The following FHIT variants were observed in gnomAD, a reference collection of about 807,000 sequenced individuals.
The protein encoded by FHIT is bis(5'-adenosyl)-triphosphatase.
Under a neutral mutation model 17.9 loss-of-function variants are expected in FHIT, and 19 were observed. That is an observed-to-expected ratio of 1.06 (90% confidence interval 0.74 to 1.56). The LOEUF is 1.56. Ranked by LOEUF, FHIT falls within the 40% of genes most tolerant of loss-of-function variation. The probability of loss-of-function intolerance (pLI) is 0.00; values close to 1 mark genes in which losing one functional copy is unlikely to be tolerated. For synonymous variants in FHIT, 81 were observed against 69.7 expected, an observed-to-expected ratio of 1.16 and a Z score of -0.81; for missense variants, 248 against 189.2, an observed-to-expected ratio of 1.31 and a Z score of -1.82.
intron 5 of FHIT, among the ~76,000 whole-genome samples, chr3:60,414,831 T>C (rs138024472): frequency 2.6e-5 from 4 of 152,296 alleles, no homozygotes; most frequent in East Asian, 1.9e-4. Flanking sequence ...GTAAAGAAGA[T>C]ACCCTTGACC....
intron 4 of FHIT, among the ~76,000 whole-genome samples, chr3:60,710,608 C>T (rs1227648025): frequency 1.3e-5 from 2 of 152,214 alleles, no homozygotes; most frequent in Non-Finnish European, 2.9e-5. Flanking sequence ...AAATGGCGCA[C>T]CAGGAGATTA....
At chr3:60,843,208 A>G (rs1329986178) in intron 3 of FHIT, among the ~76,000 whole-genome samples, 1 of 152,132 alleles carries the variant, frequency 6.6e-6, no homozygotes, top group Non-Finnish European at 1.5e-5. Flanking sequence ...ACCACAGAGA[A>G]TTCTTTCTGA....
chr3:60,052,859 A>G (rs190572843), intron 5 of FHIT, among the ~76,000 whole-genome samples: 57 of 151,108 alleles, frequency 3.8e-4, no homozygotes, highest in African/African-American at 1.3e-3. Context: ...GTCCCGCGTA[A>G]TATTTGCAAT....
At chr3:60,252,391 T>TAAAAATTTA (rs1251822873) in intron 5 of FHIT, among the ~76,000 whole-genome samples, 1 of 151,858 alleles carries the variant, frequency 6.6e-6, no homozygotes, top group Non-Finnish European at 1.5e-5. Flanking sequence ...AAAAAAATTT[T>TAAAAATTTA]AAAAATTTAA....
intron 8 of FHIT, among the ~76,000 whole-genome samples, chr3:59,816,993 T>C (rs971189578): frequency 2.0e-5 from 3 of 152,122 alleles, no homozygotes; most frequent in Non-Finnish European, 2.9e-5. Flanking sequence ...TAAACAAAAG[T>C]GGACCTTTGT....
intron 5 of FHIT, among the ~76,000 whole-genome samples, chr3:60,411,693 A>C (rs1167303060): frequency 6.6e-6 from 1 of 152,184 alleles, no homozygotes; most frequent in East Asian, 1.9e-4. Flanking sequence ...ATTAGGTCAC[A>C]AAAAAGTGTG....
chr3:60,862,144 A>G (rs561633016), intron 3 of FHIT, among the ~76,000 whole-genome samples: 21 of 152,096 alleles, frequency 1.4e-4, no homozygotes, highest in Non-Finnish European at 2.8e-4. Context: ...CATAGAGATG[A>G]AAGGTAAATA....
intron 5 of FHIT, among the ~76,000 whole-genome samples, chr3:60,345,195 A>G (rs557387861): frequency 1.3e-5 from 2 of 152,330 alleles, no homozygotes; most frequent in African/African-American, 2.4e-5. Flanking sequence ...TATTAGGGAC[A>G]TCCAGTACGT....
intron 1 of FHIT, among the ~76,000 whole-genome samples, chr3:61,208,159 A>G (rs1311869177): frequency 6.6e-6 from 1 of 152,008 alleles, no homozygotes; most frequent in Admixed American, 6.6e-5. Flanking sequence ...TTCTAGTTTG[A>G]TTGCACTGTG....
chr3:60,373,058 A>T (rs1040045935), intron 5 of FHIT, among the ~76,000 whole-genome samples: 1 of 152,212 alleles, frequency 6.6e-6, no homozygotes, highest in African/African-American at 2.4e-5. Flanking sequence ...ACAAATATTA[A>T]ATGTTTTTAT....
intron 5 of FHIT, among the ~76,000 whole-genome samples, chr3:60,207,202 A>C (rs1410901061): frequency 6.6e-6 from 1 of 152,072 alleles, no homozygotes; most frequent in Non-Finnish European, 1.5e-5. Context: ...ACCAATAAAC[A>C]TCCAGAAAAA....
At chr3:60,221,655 G>C (rs1230604401) in intron 5 of FHIT, among the ~76,000 whole-genome samples, 1 of 151,954 alleles carries the variant, frequency 6.6e-6, no homozygotes, top group Non-Finnish European at 1.5e-5. Flanking sequence ...CTGAAACACG[G>C]CGCACACCTG....
intron 4 of FHIT, among the ~76,000 whole-genome samples, chr3:60,577,939 A>T (rs1314053962): frequency 1.3e-5 from 2 of 152,160 alleles, no homozygotes; most frequent in Non-Finnish European, 2.9e-5. Context: ...GCTCTTCAAA[A>T]GGCTAAGGGA....
chr3:60,695,883 G>C (rs2041103338), intron 4 of FHIT, among the ~76,000 whole-genome samples: 1 of 152,148 alleles, frequency 6.6e-6, no homozygotes, highest in South Asian at 2.1e-4. Flanking sequence ...ATATTTGTTA[G>C]GTGTTTAGAC....
intron 5 of FHIT, among the ~76,000 whole-genome samples, chr3:60,064,781 A>G (rs1297473808): frequency 6.6e-6 from 1 of 152,212 alleles, no homozygotes; most frequent in African/African-American, 2.4e-5. Flanking sequence ...CTTTCACCTT[A>G]ACCATTTTCA....
intron 4 of FHIT, among the ~76,000 whole-genome samples, chr3:60,540,840 G>A (rs1011260616): frequency 6.6e-6 from 1 of 152,062 alleles, no homozygotes; most frequent in Admixed American, 6.5e-5. Flanking sequence ...TTGCCCCAGT[G>A]GTACAAGATA....
intron 3 of FHIT, among the ~76,000 whole-genome samples, chr3:60,957,480 A>G (rs991702240): frequency 4.6e-5 from 7 of 151,694 alleles, no homozygotes; most frequent in Non-Finnish European, 8.8e-5. Flanking sequence ...CTTGTGATCC[A>G]CCCGCCTTGG....
At chr3:60,624,531 G>A (rs565909431) in intron 4 of FHIT, among the ~76,000 whole-genome samples, 6 of 152,164 alleles carry the variant, frequency 3.9e-5, no homozygotes, top group Admixed American at 1.3e-4. Flanking sequence ...AATGAAGAGA[G>A]AGGACTGCTT....
intron 5 of FHIT, among the ~76,000 whole-genome samples, chr3:60,066,741 CCGCCTCG>C (rs1702529559): frequency 1.4e-5 from 2 of 145,712 alleles, no homozygotes; most frequent in Admixed American, 7.3e-5. Flanking sequence ...ACTGCAAGCT[CCGCCTCG>C]CGGGTTCACG....
Sources: allele counts gnomAD v4.1 joint callset (sites outside exome capture counted in the v4.1 genomes callset), GRCh38; gene constraint gnomAD v4.1.1; transcripts MANE v1.5; gene names NCBI Gene and HGNC (gene_info 2026-07-23, HGNC 2026-07-21).